The following TBCEL variants were observed in gnomAD, a reference collection of about 807,000 sequenced individuals.
TBCEL encodes the protein tubulin folding cofactor E like.
In TBCEL, 15 loss-of-function variants were observed where a neutral mutation model predicts 44.2. The ratio of observed to expected loss-of-function variants is 0.34; its 90% CI spans 0.23 to 0.52. The LOEUF is 0.52. TBCEL is among the 20% of genes least tolerant of loss of function. The pLI is 0.95. For missense variants in TBCEL, 319 were observed against 506.3 expected (o/e 0.63, Z 3.55); for synonymous variants, 171 against 185.4 (o/e 0.92, Z 0.63).
At chr11:121,026,425 A>G (rs911985703) in intron 1 of TBCEL, among the ~76,000 whole-genome samples, 7 of 152,232 alleles carry the variant, frequency 4.6e-5, no homozygotes, top group Non-Finnish European at 8.8e-5. Context: ...ATTGAGTGTC[A>G]AAGGATGTTG....
rs537156608 is a variant in TBCEL, at chr11:121,089,567, G to T, written c.*2471G>T. 1 of 152,194 alleles carries T rather than the reference G, an allele frequency of 6.6e-6. No individual in the cohort carries two copies. The highest frequency in any genetic ancestry group is 6.5e-5 in the Admixed American group (1 of 15,268). The allele number at this position is 152,194 out of a possible 1,614,324, so 9.4% of individuals were successfully genotyped here. A position where few individuals can be genotyped will look rare whatever the true frequency, so the allele number is the denominator to read the frequency against. On this transcript the variant is annotated 3_prime_UTR_variant, in exon 9 of 9. Coordinates refer to ENST00000683345, the MANE Select transcript of TBCEL (RefSeq NM_001363644.2). ...TACTTATAGATTCATTTGGGTGGCTGAGAAAAGATGCTGCTTTTGAAATAA... is the reference window on the plus strand; with the variant it reads ...TACTTATAGATTCATTTGGGTGGCTTAGAAAAGATGCTGCTTTTGAAATAA...
chr11:121,051,163 A>C (rs1686763459), intron 4 of TBCEL, among the ~76,000 whole-genome samples: 1 of 151,670 alleles, frequency 6.6e-6, no homozygotes, highest in Admixed American at 6.6e-5. Context: ...TTTACCTTTT[A>C]GGATATTCTA....
intron 8 of TBCEL, among the ~76,000 whole-genome samples, chr11:121,065,834 A>G (rs771758235): frequency 1.3e-5 from 2 of 152,242 alleles, no homozygotes; most frequent in African/African-American, 2.4e-5. Context: ...ACAGGTGATA[A>G]TTGTTTCATT....
intron 8 of TBCEL, among the ~76,000 whole-genome samples, chr11:121,082,059 T>C (rs183397471): frequency 9.1e-4 from 139 of 152,342 alleles, no homozygotes; most frequent in African/African-American, 3.2e-3. Flanking sequence ...TGAAAAGTTA[T>C]GAAGGAACCA....
chr11:121,056,653 C>G (rs1945626282), intron 6 of TBCEL, among the ~76,000 whole-genome samples: 1 of 151,826 alleles, frequency 6.6e-6, no homozygotes, highest in South Asian at 2.1e-4. Context: ...TTGATGTTCT[C>G]AGTGTTTTGG....
chr11:121,076,012 C>T (rs550194814), intron 8 of TBCEL, among the ~76,000 whole-genome samples: 155 of 151,882 alleles, frequency 1.0e-3, no homozygotes, highest in African/African-American at 3.5e-3. Flanking sequence ...ATAGGTGGCC[C>T]GTATTTCTGT....
At chr11:121,068,302 T>G (rs971511587) in intron 8 of TBCEL, among the ~76,000 whole-genome samples, 14 of 152,100 alleles carry the variant, frequency 9.2e-5, no homozygotes, top group African/African-American at 3.4e-4. Flanking sequence ...TTTTTCTCCT[T>G]TTTTCAATTA....
Position 121,055,255 on chromosome 11 carries a change from A to G in TBCEL, c.659A>G (p.Asp220Gly). The G allele has an allele frequency of 6.2e-7, 1 of 1,611,092 alleles. No homozygotes were observed. Among genetic ancestry groups the G allele is most frequent in the Non-Finnish European group, 8.5e-7 (1 of 1,178,238 alleles). ...NHLNAIEEPD[D>G]SLARLFPNLR... ...TTGAATGCTATTGAGGAGCCTGATG[A>G]TTCATTGGCCAGGTTGTTTCCTAAT... The change falls in exon 6 of 9, where the codon GAT becomes GGT. Residue 220 changes from aspartate (D) to glycine (G), a missense_variant. Coordinates refer to ENST00000683345, the MANE Select transcript of TBCEL (RefSeq NM_001363644.2).
At chr11:121,038,604 A>G (rs1447098850) in intron 2 of TBCEL, among the ~76,000 whole-genome samples, 3 of 152,026 alleles carry the variant, frequency 2.0e-5, no homozygotes, top group Non-Finnish European at 4.4e-5. Context: ...CAAAAACAAA[A>G]CTTGCAAAAC....
In TBCEL at chr11:121,045,824, G is replaced by A. The variant is rs1190293366; in HGVS notation, c.133+1G>A. ...ACACCTCAGGGCTCTCCTATGAAAG[G>A]TAAGAAAGATGGGACCTAAAACACT... On this transcript the variant is annotated splice_donor_variant, in intron 3 of 8. Transcript: ENST00000683345. LOFTEE classifies it high-confidence loss of function. 6.3e-7 allele frequency: 1 copy of A among 1,578,446 alleles called. No individual in the cohort carries two copies. Among genetic ancestry groups the A allele is most frequent in the African/African-American group, 1.4e-5 (1 of 72,694 alleles).
At chr11:121,066,141 A>G (rs1433368011) in intron 8 of TBCEL, among the ~76,000 whole-genome samples, 1 of 152,246 alleles carries the variant, frequency 6.6e-6, no homozygotes, top group Non-Finnish European at 1.5e-5. Context: ...AGGTTTCTGT[A>G]TCTCGCTATA....
At chr11:121,047,691 T>G in intron 4 of TBCEL, 24 bp downstream of exon 4, 2 of 1,610,476 alleles carry the variant, frequency 1.2e-6, no homozygotes, top group East Asian at 2.2e-5. Flanking sequence ...ATTGCTACAT[T>G]TTAGTGAAAA....
rs533718152 is a variant in TBCEL at position 121,083,286 on chromosome 11, A to AGTGGTAATTGATTGAAT, written c.957-3474_957-3458dup. Among the ~76,000 whole-genome samples, 29 of 152,314 alleles carry AGTGGTAATTGATTGAAT rather than the reference A, an allele frequency of 1.9e-4. 2 individuals carry two copies. In the South Asian group the frequency reaches 5.6e-3, roughly 29 times the overall value. On this transcript the variant is annotated intron_variant, in intron 8 of 8. Transcript: ENST00000683345. ...ATACGTAGGAAGATAATGAGTGGGA[A>AGTGGTAATTGATTGAAT]GTGGTAATTGATTGAATGTGGTAAT...
intron 8 of TBCEL, among the ~76,000 whole-genome samples, chr11:121,086,104 C>T (rs572782717): frequency 1.2e-4 from 18 of 152,210 alleles, no homozygotes; most frequent in South Asian, 4.2e-4. Context: ...GGAAACATGA[C>T]TTTGTGGGCC....
chr11:121,072,195 C>T (rs981807999), intron 8 of TBCEL, among the ~76,000 whole-genome samples: 1 of 152,096 alleles, frequency 6.6e-6, no homozygotes, highest in African/African-American at 2.4e-5. Flanking sequence ...TGATTGGAGT[C>T]ATATACAAGT....
chr11:121,050,516 A>G (rs780111003), intron 4 of TBCEL, among the ~76,000 whole-genome samples: 4 of 151,716 alleles, frequency 2.6e-5, no homozygotes, highest in African/African-American at 7.3e-5. Flanking sequence ...TTGGGCACCT[A>G]TGTTTAAAAA....
At chr11:121,038,667 C>T (rs773090132) in intron 2 of TBCEL, among the ~76,000 whole-genome samples, 1 of 152,100 alleles carries the variant, frequency 6.6e-6, no homozygotes, top group Non-Finnish European at 1.5e-5. Flanking sequence ...GGGAGATTTT[C>T]CTCCTATGGC....
chr11:121,030,421 C>T (rs1314852405), intron 1 of TBCEL, among the ~76,000 whole-genome samples: 1 of 152,124 alleles, frequency 6.6e-6, no homozygotes, highest in Non-Finnish European at 1.5e-5. Context: ...CACTTGGCTG[C>T]TTTGTGGAGA....
chr11:121,055,853 A>G (rs1022704232), intron 6 of TBCEL, among the ~76,000 whole-genome samples: 1 of 151,008 alleles, frequency 6.6e-6, no homozygotes, highest in South Asian at 2.1e-4. Context: ...GAGAGTTTTC[A>G]TATACCCCTT....
Sources: gnomAD v4.1 joint callset for allele counts (sites outside exome capture counted in the v4.1 genomes callset) on GRCh38, gnomAD v4.1.1 for gene constraint, MANE v1.5 for transcripts, NCBI Gene and HGNC (gene_info 2026-07-23, HGNC 2026-07-21) for gene names.